The following KRIT1 variants were observed in gnomAD, a reference collection of about 807,000 sequenced individuals.
The protein encoded by KRIT1 is krev interaction trapped protein 1.
KRIT1 carries 45 observed loss-of-function variants against 95.8 expected under a neutral mutation model. The observed-to-expected ratio is 0.47, with a 90% CI of 0.37 to 0.60. KRIT1 has a LOEUF of 0.60. Ranked by LOEUF, KRIT1 falls within the 20% of genes least tolerant of loss-of-function variation. The pLI is 0.00. For synonymous variants in KRIT1, 282 were observed against 278.8 expected (o/e 1.01, Z -0.11); for missense variants, 788 against 877.5 (o/e 0.90, Z 1.29).
rs117386326 is a variant in KRIT1, at chr7:92,239,106, C to A, written c.263-1347G>T. Among the ~76,000 whole-genome samples, 954 of 152,274 alleles carry A rather than the reference C, an allele frequency of 6.3e-3. 6 individuals are homozygous for A. Among genetic ancestry groups the A allele is most frequent in the Non-Finnish European group, 8.5e-3 (581 of 68,018 alleles). On this transcript the variant is annotated intron_variant, in intron 5 of 18. Transcript: ENST00000394505. ...CTCATTAATACATTAAACTTTTCAACTTTAATTTCTTGTTAAAAGCTCCCT... is the reference window on the plus strand; with the variant it reads ...CTCATTAATACATTAAACTTTTCAAATTTAATTTCTTGTTAAAAGCTCCCT...
chr7:92,239,310 T>G (rs554889367), intron 5 of KRIT1, among the ~76,000 whole-genome samples: 54 of 152,344 alleles, frequency 3.5e-4, no homozygotes, highest in African/African-American at 1.3e-3. Context: ...ATGGACCTAG[T>G]GGCTGAGCTT....
rs762646130 is a variant in KRIT1 at position 92,221,955 on chromosome 7, G to T, written c.1510C>A (p.Pro504Thr). 3 of 1,613,426 alleles carry T rather than the reference G, an allele frequency of 1.9e-6. No homozygotes were observed. The highest frequency in any genetic ancestry group is 4.5e-5 in the East Asian group (2 of 44,844). ...ACATCTCTTCTTAGAAAAAGCTGAG[G>T]TGTTTCCCTTTGAGGATCCAGATTA... The part of the protein sequence containing the change: ...LTNLDPQRET[P>T]QLFLRRDVRL... Residue 504 changes from proline to threonine, a missense_variant, in exon 14 of 19, where the codon CCT becomes ACT. By Grantham distance (38) the Pro-to-Thr change is conservative (BLOSUM62 -1). Around this residue, in one of 3 missense-constraint regions of KRIT1, gnomAD observed 493 missense variants for 582.3 expected, o/e 0.85. Coordinates refer to ENST00000394505, the MANE Select transcript of KRIT1 (RefSeq NM_194454.3).
At chr7:92,235,743 T>C in intron 7 of KRIT1, 97 bp from the exon 8 acceptor site, 1 of 1,097,226 alleles carries the variant, frequency 9.1e-7, no homozygotes, top group Non-Finnish European at 1.4e-6. Flanking sequence ...CTTGTGAATA[T>C]TACCTTCAGA....
At chr7:92,211,384 T>C (rs571012376) in intron 17 of KRIT1, among the ~76,000 whole-genome samples, 4 of 152,282 alleles carry the variant, frequency 2.6e-5, no homozygotes, top group Admixed American at 6.5e-5. Context: ...ATGAATGGAA[T>C]TGGAGGTCAT....
At chr7:92,211,012 C>A (rs1013737577) in intron 17 of KRIT1, among the ~76,000 whole-genome samples, 2 of 152,072 alleles carry the variant, frequency 1.3e-5, no homozygotes, top group African/African-American at 4.8e-5. Flanking sequence ...TGGCTATTAT[C>A]AAAATGACAA....
At position 92,222,052 on chromosome 7, in the gene KRIT1, G is replaced by T; in HGVS notation, c.1413C>A (p.Ser471Arg). The change falls in exon 14 of 19, where the codon AGC becomes AGA. Residue 471 changes from serine to arginine, a missense_variant and splice_region_variant. Ser to Arg is a moderately radical substitution (Grantham distance 110). Around this residue, in one of 3 missense-constraint regions of KRIT1, gnomAD observed 493 missense variants for 582.3 expected, o/e 0.85. Coordinates refer to ENST00000394505, the MANE Select transcript of KRIT1 (RefSeq NM_194454.3). ...GTTTATGATATGGTTTGAGTTGAAGGCCTGAAAAACATCATTCCTTTTATA... is the reference window on the plus strand; with the variant it reads ...GTTTATGATATGGTTTGAGTTGAAGTCCTGAAAAACATCATTCCTTTTATA... ...FTIWICSENL[S>R]LQLKPYHKPL... The T allele has an allele frequency of 6.2e-7, 1 of 1,611,600 alleles. No individual in the cohort carries two copies. Among genetic ancestry groups the T allele is most frequent in the Non-Finnish European group, 8.5e-7 (1 of 1,177,766 alleles).
intron 13 of KRIT1, 54 bp downstream of exon 13, chr7:92,222,768 C>T: frequency 9.4e-7 from 1 of 1,061,426 alleles, no homozygotes. Context: ...TCTACCAACC[C>T]ACTCCCAAAA....
At chr7:92,230,042 G>C (rs1194408926) in intron 10 of KRIT1, among the ~76,000 whole-genome samples, 1 of 152,028 alleles carries the variant, frequency 6.6e-6, no homozygotes, top group East Asian at 1.9e-4. Flanking sequence ...CATCTAAAAG[G>C]GAAAAGATAG....
chr7:92,223,017 T>C (rs1014290457), intron 12 of KRIT1, 39 bp from the exon 13 acceptor site: 1 of 1,311,044 alleles, frequency 7.6e-7, no homozygotes, highest in African/African-American at 1.4e-5. Context: ...ACTTAAAAAA[T>C]TATACATCAC....
chr7:92,238,077 C>T (rs1260709031), intron 5 of KRIT1, among the ~76,000 whole-genome samples: 2 of 152,134 alleles, frequency 1.3e-5, no homozygotes, highest in East Asian at 3.8e-4. Flanking sequence ...TATACCACCT[C>T]AGTCATCTAG....
chr7:92,219,009 TATA>T (rs1794574107), intron 14 of KRIT1, among the ~76,000 whole-genome samples: 1 of 152,110 alleles, frequency 6.6e-6, no homozygotes, highest in African/African-American at 2.4e-5. Context: ...TTTTTATTAT[TATA>T]ATATTTGAGA....
Position 92,219,671 on chromosome 7 carries a change from A to G in KRIT1, c.1563+2231T>C, listed in dbSNP as rs1794728751. Among the ~76,000 whole-genome samples, 3 of 152,322 alleles carry G rather than the reference A, an allele frequency of 2.0e-5. No homozygotes were observed. In the South Asian group the frequency reaches 6.2e-4, roughly 32 times the overall value. ...GAGTACTGTCTGTTCCACTTTCACA[A>G]AAAAAGCTATTGGAATACTGTTAGG... On this transcript the variant is annotated intron_variant, in intron 14 of 18. Coordinates refer to ENST00000394505, the MANE Select transcript of KRIT1 (RefSeq NM_194454.3).
rs886039402 is a variant in KRIT1 at position 92,222,966 on chromosome 7, G to A, written c.1267C>T (p.Arg423Ter). 2 of 1,607,562 alleles carry A rather than the reference G, an allele frequency of 1.2e-6. No individual in the cohort carries two copies. The highest frequency in any genetic ancestry group is 1.7e-6 in the Non-Finnish European group (2 of 1,174,856). ...TATGACCCATCCATTCTGTATATTCGAACTTTTTCATACTACAAGAAACGA... is the reference window on the plus strand; with the variant it reads ...TATGACCCATCCATTCTGTATATTCAAACTTTTTCATACTACAAGAAACGA... ...EAINKPYEKV[R>*]IYRMDGSYRS... is the part of the protein sequence containing the mutation. Residue 423 changes from arginine to a stop codon, truncating the protein, a stop_gained, in exon 13 of 19, where the codon CGA becomes TGA. Coordinates refer to ENST00000394505, the MANE Select transcript of KRIT1 (RefSeq NM_194454.3). LOFTEE classifies it high-confidence loss of function.
rs749330621 is a variant in KRIT1, at chr7:92,241,010, G to C, written c.245C>G (p.Ala82Gly). ...TTTCCTACCTCTGATACCCTGGTTTGCAGGAGAAATTGGTTTGGTGGTTTC... is the reference window on the plus strand; with the variant it reads ...TTTCCTACCTCTGATACCCTGGTTTCCAGGAGAAATTGGTTTGGTGGTTTC... ...VVETTKPISP[A>G]NQGIRGKRVV... The change falls in exon 5 of 19, where the codon GCA (alanine) becomes GGA (glycine). Residue 82 changes from alanine to glycine, a missense_variant. By Grantham distance (60) the Ala-to-Gly change is moderately conservative. Coordinates refer to ENST00000394505, the MANE Select transcript of KRIT1 (RefSeq NM_194454.3). 6.2e-7 allele frequency: 1 copy of C among 1,611,336 alleles called. No individual in the cohort carries two copies.
At chr7:92,234,662 C>T (rs1428591616) in intron 9 of KRIT1, 70 bp from the exon 10 acceptor site, 2 of 1,384,632 alleles carry the variant, frequency 1.4e-6, no homozygotes, top group Admixed American at 3.4e-5. Flanking sequence ...AAATGTGACA[C>T]ATCTATGAAA....
intron 14 of KRIT1, among the ~76,000 whole-genome samples, chr7:92,217,645 A>ACATTTTGTTTGTCCACT (rs1414722012): frequency 2.0e-5 from 3 of 152,302 alleles, no homozygotes; most frequent in Non-Finnish European, 4.4e-5. Context: ...TATATAGATC[A>ACATTTTGTTTGTCCACT]CATTTTGTTT....
At chr7:92,204,325 G>C (rs867804684) in intron 17 of KRIT1, among the ~76,000 whole-genome samples, 1 of 151,734 alleles carries the variant, frequency 6.6e-6, no homozygotes, top group Non-Finnish European at 1.5e-5. Context: ...CAAGGTGACC[G>C]CAAGAGAGCA....
intron 17 of KRIT1, chr7:92,205,612 T>G (rs1421081171): frequency 1.3e-5 from 2 of 151,826 alleles, no homozygotes; most frequent in African/African-American, 4.8e-5. Flanking sequence ...GGTTCATGCT[T>G]GTAATCCCAG....
chr7:92,200,364 T>TC lies in KRIT1; in HGVS notation c.*371_*372insG, dbSNP rs886062488. ...TATGCCTTGTTGAAAGTAATTTTTT[T>TC]TTTTTTTTGAGATGGAGTCTTGCTG... On this transcript the variant is annotated 3_prime_UTR_variant, in exon 19 of 19. Coordinates refer to ENST00000394505, the MANE Select transcript of KRIT1 (RefSeq NM_194454.3). 8.8e-5 allele frequency: 23 copies of TC among 262,054 alleles called. 1 individual carries two copies. The highest frequency in any genetic ancestry group is 1.6e-4 in the Non-Finnish European group (22 of 133,408). The allele number at this position is 262,054 out of a possible 1,614,324, so 16.2% of individuals were successfully genotyped here. A position where few individuals can be genotyped will look rare whatever the true frequency, so the allele number is the denominator to read the frequency against.
Sources: gnomAD v4.1 joint callset for allele counts (sites outside exome capture counted in the v4.1 genomes callset) on GRCh38, gnomAD v4.1.1 for gene constraint, gnomAD v4.1.1 regional missense constraint, MANE v1.5 for transcripts, NCBI Gene and HGNC (gene_info 2026-07-23, HGNC 2026-07-21) for gene names.